CAMK2G: variants seen among roughly 807,000 people sequenced by gnomAD.
The protein encoded by CAMK2G is calcium/calmodulin dependent protein kinase II gamma.
Under a neutral mutation model 88.7 loss-of-function variants are expected in CAMK2G, and 23 were observed. The observed-to-expected ratio is 0.26, with a 90% CI of 0.19 to 0.37. CAMK2G has a LOEUF of 0.37. CAMK2G is among the 10% of genes least tolerant of loss of function. The pLI is 1.00. For missense variants in CAMK2G, 476 were observed against 780.8 expected, an observed-to-expected ratio of 0.61 and a Z score of 4.65; for synonymous variants, 263 against 294.8, an observed-to-expected ratio of 0.89 and a Z score of 1.11.
In CAMK2G at chr10:73,848,118, C is replaced by A. The variant is rs769421656; in HGVS notation, c.602-36G>T. On this transcript the variant is annotated intron_variant, in intron 8 of 22. Transcript: ENST00000423381. The surrounding 1 kb of genome is among the most constrained non-coding windows in gnomAD (Gnocchi z 4.5). ...GAACACACAGGTCATGGGGGTCAGT[C>A]GCCTACTTCCCTGAGGAACCAAGAA... 1 of 1,281,978 alleles carries A rather than the reference C, an allele frequency of 7.8e-7. No homozygotes were observed. The highest frequency in any genetic ancestry group is 1.2e-5 in the South Asian group (1 of 84,312). The allele number at this position is 1,281,978 out of a possible 1,614,324, so 79.4% of individuals were successfully genotyped here.
chr10:73,863,953 C>A (rs1340570264), intron 2 of CAMK2G, among the ~76,000 whole-genome samples: 1 of 152,238 alleles, frequency 6.6e-6, no homozygotes, highest in Non-Finnish European at 1.5e-5. Flanking sequence ...CAATTAACAA[C>A]ACATCGGTTT....
chr10:73,817,410 TG>T (rs2086029008), intron 20 of CAMK2G, 68 bp downstream of exon 20: 1 of 1,127,658 alleles, frequency 8.9e-7, no homozygotes, highest in Non-Finnish European at 1.4e-6. Context: ...GGGTCCTAAT[TG>T]TTGTCTGGAA....
intron 3 of CAMK2G, 50 bp downstream of exon 3, chr10:73,860,780 T>C: frequency 7.5e-7 from 1 of 1,326,500 alleles, no homozygotes; most frequent in Non-Finnish European, 1.1e-6. Flanking sequence ...ATATCTGTTA[T>C]CCCTGCTTCT....
chr10:73,873,223 A>T lies in CAMK2G; in HGVS notation c.66-140T>A. 1.8e-5 allele frequency: 18 copies of T among 978,020 alleles called. 1 individual carries two copies. The South Asian group carries it at 1.9e-4, about 11-fold the overall frequency. The allele number at this position is 978,020 out of a possible 1,614,324, so 60.6% of individuals were successfully genotyped here. A position where few individuals can be genotyped will look rare whatever the true frequency, so the allele number is the denominator to read the frequency against. ...TACATGCACACACACCGGCGCTGTGACCACCACCATCCAACATGAGGCAAA... is the reference window on the plus strand; with the variant it reads ...TACATGCACACACACCGGCGCTGTGTCCACCACCATCCAACATGAGGCAAA... On this transcript the variant is annotated intron_variant, in intron 1 of 22. Coordinates refer to ENST00000423381, the MANE Select transcript of CAMK2G (RefSeq NM_001367534.1).
intron 3 of CAMK2G, among the ~76,000 whole-genome samples, chr10:73,856,942 A>G (rs2095077918): frequency 6.6e-6 from 1 of 152,194 alleles, no homozygotes; most frequent in Non-Finnish European, 1.5e-5. Flanking sequence ...TCTTTCTCCA[A>G]AAAGCACTGA....
At chr10:73,863,521 C>A (rs139035924) in intron 2 of CAMK2G, among the ~76,000 whole-genome samples, 14 of 152,348 alleles carry the variant, frequency 9.2e-5, no homozygotes, top group African/African-American at 2.9e-4. Flanking sequence ...CCACGGCCCT[C>A]TCTCTGGGCA....
chr10:73,841,930 T>C (rs2254266), intron 12 of CAMK2G: 105,843 of 546,872 alleles, frequency 0.19, 10,906 homozygotes, highest in South Asian at 0.26. Flanking sequence ...ACATAGCAAG[T>C]TGGGCAGGCT....
In CAMK2G at chr10:73,813,965, C is replaced by T. The variant is rs2084707466; in HGVS notation, c.*553G>A. ...TTCTCTCCCAAGTAGGTCTGATGGT[C>T]ACGATGTTCTCATCAGCCCCATTCT... is the stretch of plus-strand genomic sequence containing the variant. On this transcript the variant is annotated 3_prime_UTR_variant, in exon 23 of 23. Coordinates refer to ENST00000423381, the MANE Select transcript of CAMK2G (RefSeq NM_001367534.1). The T allele has an allele frequency of 6.6e-6, 1 of 152,668 alleles. No homozygotes were observed. Among genetic ancestry groups the T allele is most frequent in the African/African-American group, 2.4e-5 (1 of 41,466 alleles). 9.5% of individuals were successfully genotyped at this position (152,668 alleles called of 1,614,324 possible). A position where few individuals can be genotyped will look rare whatever the true frequency, so the allele number is the denominator to read the frequency against.
chr10:73,868,574 C>A (rs1225569064), intron 2 of CAMK2G, among the ~76,000 whole-genome samples: 1 of 152,176 alleles, frequency 6.6e-6, no homozygotes, highest in Admixed American at 6.5e-5. Flanking sequence ...CTGTTTTATC[C>A]TCAGGAGGAA....
At chr10:73,838,595 G>A (rs752612398) in intron 13 of CAMK2G, among the ~76,000 whole-genome samples, 22 of 152,206 alleles carry the variant, frequency 1.4e-4, no homozygotes, top group Non-Finnish European at 2.8e-4. Context: ...TCCTCCCCAA[G>A]CTGTGTTCCA....
At chr10:73,828,992 G>T (rs2091828390) in intron 14 of CAMK2G, among the ~76,000 whole-genome samples, 1 of 152,176 alleles carries the variant, frequency 6.6e-6, no homozygotes, top group Non-Finnish European at 1.5e-5. Flanking sequence ...TTAGCTCACT[G>T]GGGGTAAGGT....
intron 14 of CAMK2G, among the ~76,000 whole-genome samples, chr10:73,836,113 A>G (rs2093182151): frequency 1.3e-5 from 2 of 152,144 alleles, no homozygotes; most frequent in Non-Finnish European, 2.9e-5. Flanking sequence ...GGATTACAGG[A>G]GTGAGCCACC....
intron 21 of CAMK2G, 158 bp downstream of exon 21, chr10:73,816,865 A>C (rs2085750761): frequency 6.2e-7 from 1 of 1,600,168 alleles, no homozygotes; most frequent in African/African-American, 1.3e-5. Flanking sequence ...CCTGTCTACA[A>C]CCATCGGGGC....
intron 16 of CAMK2G, 53 bp from the exon 17 acceptor site, chr10:73,824,137 T>C (rs2090115729): frequency 3.6e-6 from 5 of 1,405,396 alleles, no homozygotes; most frequent in Non-Finnish European, 5.0e-6. Context: ...ACTATGGCTC[T>C]TCCCTGAGGA....
chr10:73,863,138 C>T (rs892687696), intron 2 of CAMK2G, among the ~76,000 whole-genome samples: 2 of 152,248 alleles, frequency 1.3e-5, no homozygotes, highest in South Asian at 2.1e-4. Flanking sequence ...AACAGCTCTA[C>T]TTTGTGGAAG....
chr10:73,820,492 A>ATATATATTTTTTTTTT (rs1554995765), intron 18 of CAMK2G, among the ~76,000 whole-genome samples: 1 of 51,052 alleles, frequency 2.0e-5, no homozygotes, highest in African/African-American at 8.9e-5. Context: ...ATATATATAT[A>ATATATATTTTTTTTTT]TTTTTTTTTT....
intron 2 of CAMK2G, among the ~76,000 whole-genome samples, chr10:73,868,402 T>C (rs2095671324): frequency 6.6e-6 from 1 of 152,142 alleles, no homozygotes; most frequent in Admixed American, 6.5e-5. Context: ...GTGTTGTGTG[T>C]GCTAAGGCCC....
chr10:73,824,117 T>C (rs751996106), intron 16 of CAMK2G, 33 bp from the exon 17 acceptor site: 20 of 1,578,492 alleles, frequency 1.3e-5, no homozygotes, highest in East Asian at 8.9e-5. Context: ...CCCTTCCGAC[T>C]TGGGGACAGA....
At chr10:73,863,981 G>A (rs1391599792) in intron 2 of CAMK2G, among the ~76,000 whole-genome samples, 1 of 152,218 alleles carries the variant, frequency 6.6e-6, no homozygotes, top group African/African-American at 2.4e-5. Context: ...AGACAGCCCT[G>A]GATTGAGCCC....
Sources: gnomAD v4.1 joint callset for allele counts (sites outside exome capture counted in the v4.1 genomes callset) on GRCh38, gnomAD v4.1.1 for gene constraint, Gnocchi (gnomAD v3.1) non-coding constraint, MANE v1.5 for transcripts, NCBI Gene and HGNC (gene_info 2026-07-23, HGNC 2026-07-21) for gene names.